DNAJB9: variants seen among roughly 807,000 people sequenced by gnomAD.
DNAJB9 encodes the protein dnaJ homolog subfamily B member 9.
A neutral mutation model predicts 19.2 loss-of-function variants in DNAJB9; 12 were observed. That is an observed-to-expected ratio of 0.62 (90% confidence interval 0.40 to 1.01). The LOEUF is 1.01. Ranked by LOEUF, DNAJB9 falls within the 50% of genes least tolerant of loss-of-function variation. DNAJB9 has a pLI of 0.00. For missense variants in DNAJB9, 272 were observed against 261.1 expected (o/e 1.04, Z -0.29); for synonymous variants, 83 against 84.0 (o/e 0.99, Z 0.07).
chr7:108,571,760 A>G lies in DNAJB9; in HGVS notation c.34A>G (p.Ile12Val), dbSNP rs749348411. 3.1e-6 allele frequency: 5 copies of G among 1,613,940 alleles called. No individual in the cohort carries two copies. Among genetic ancestry groups the G allele is most frequent in the African/African-American group, 2.7e-5 (2 of 74,884 alleles). ...ATPQSIFIFA[I>V]CILMITELIL... is the part of the protein sequence containing the mutation. ...TCCCCAGTCAATTTTCATCTTTGCA[A>G]TCTGCATTTTAATGATAACAGAATT... Residue 12 changes from isoleucine to valine, a missense_variant, in exon 2 of 3, where the codon ATC (isoleucine) becomes GTC (valine). By Grantham distance (29) the Ile-to-Val change is conservative. Coordinates refer to ENST00000249356, the MANE Select transcript of DNAJB9 (RefSeq NM_012328.3).
intron 2 of DNAJB9, chr7:108,572,181 C>G (rs1790630591): frequency 2.7e-6 from 1 of 367,372 alleles, no homozygotes; most frequent in East Asian, 4.7e-5. Flanking sequence ...TATTGAAAAT[C>G]TATTCTATAT....
intron 1 of DNAJB9, 29 bp from the exon 2 acceptor site, chr7:108,571,688 A>G (rs1437122778): frequency 2.5e-6 from 4 of 1,572,306 alleles, no homozygotes; most frequent in Admixed American, 1.8e-5. Context: ...AGCTCCATCC[A>G]TAACATTTTT....
rs1325515190 is a variant in DNAJB9, at chr7:108,573,332, CACTG to C, written c.656_659del (p.Asp219ValfsTer23). On this transcript the variant is annotated frameshift_variant, in exon 3 of 3. Transcript: ENST00000249356. LOFTEE classifies it high-confidence loss of function. The stretch of plus-strand genomic sequence containing the variant: ...GAAGAGGAAATATGGTTACTACATA[CACTG>C]ACTGTTCAGGACAGTAGTTCTTATT... 8 of 1,590,764 alleles carry C rather than the reference CACTG, an allele frequency of 5.0e-6. No homozygotes were observed. Among genetic ancestry groups the C allele is most frequent in the African/African-American group, 4.0e-5 (3 of 74,122 alleles).
chr7:108,570,639 A>G (rs1790604219), intron 1 of DNAJB9, among the ~76,000 whole-genome samples: 1 of 152,180 alleles, frequency 6.6e-6, no homozygotes, highest in South Asian at 2.1e-4. Context: ...TCCATGGGAC[A>G]CACTGTTGTG....
intron 2 of DNAJB9, 164 bp downstream of exon 2, chr7:108,572,107 T>C (rs1790629550): frequency 1.7e-6 from 1 of 600,882 alleles, no homozygotes; most frequent in African/African-American, 1.9e-5. Flanking sequence ...TCACAGATGC[T>C]TTGATTCCTG....
chr7:108,572,265 T>C (rs372657257), intron 2 of DNAJB9, among the ~76,000 whole-genome samples: 2 of 152,186 alleles, frequency 1.3e-5, no homozygotes, highest in South Asian at 2.1e-4. Context: ...AACTAACTTA[T>C]GAAACAGAAT....
At chr7:108,570,478 G>A (rs1365656441) in intron 1 of DNAJB9, among the ~76,000 whole-genome samples, 3 of 151,682 alleles carry the variant, frequency 2.0e-5, no homozygotes, top group African/African-American at 4.9e-5. Flanking sequence ...GGGATGAGAA[G>A]TCTGTACAAT....
chr7:108,571,289 T>G (rs1336001434), intron 1 of DNAJB9, among the ~76,000 whole-genome samples: 1 of 147,692 alleles, frequency 6.8e-6, no homozygotes, highest in Non-Finnish European at 1.5e-5. Context: ...GTGCGCCACC[T>G]TTTTTTTTTA....
chr7:108,572,099 A>C, intron 2 of DNAJB9, 156 bp downstream of exon 2: 1 of 631,822 alleles, frequency 1.6e-6, no homozygotes, highest in South Asian at 2.3e-5. Context: ...TTTTCTTATC[A>C]CAGATGCTTT....
chr7:108,571,793 G>A lies in DNAJB9; in HGVS notation c.67G>A (p.Ala23Thr), dbSNP rs1268121183. 1 of 1,613,936 alleles carries A rather than the reference G, an allele frequency of 6.2e-7. No homozygotes were observed. The highest frequency in any genetic ancestry group is 8.5e-7 in the Non-Finnish European group (1 of 1,179,988). ...TTTAATGATAACAGAATTAATTCTG[G>A]CCTCAAAAAGCTACTATGATATCTT... Reference protein sequence around the residue: ...CILMITELILASKSYYDILGV... With the variant: ...CILMITELILTSKSYYDILGV... Residue 23 changes from alanine (A) to threonine (T), a missense_variant, in exon 2 of 3, where the codon GCC becomes ACC. Physicochemically the swap from Ala to Thr is moderately conservative, Grantham distance 58. Coordinates refer to ENST00000249356, the MANE Select transcript of DNAJB9 (RefSeq NM_012328.3).
Position 108,573,542 on chromosome 7 carries a change from A to G in DNAJB9, c.*189A>G, listed in dbSNP as rs1019066720. The stretch of plus-strand genomic sequence containing the variant: ...ACATTCAACGAGTAGACAAAATGCT[A>G]ATTATTTCCCTGATTAGGAAAGTTT... On this transcript the variant is annotated 3_prime_UTR_variant, in exon 3 of 3. Transcript: ENST00000249356. 4.8e-6 allele frequency: 2 copies of G among 416,742 alleles called. No individual in the cohort carries two copies. The highest frequency in any genetic ancestry group is 4.1e-6 in the Non-Finnish European group (1 of 241,610). The allele number at this position is 416,742 out of a possible 1,614,324, so 25.8% of individuals were successfully genotyped here.
chr7:108,572,338 T>G (rs1288272480), intron 2 of DNAJB9, among the ~76,000 whole-genome samples: 1 of 152,214 alleles, frequency 6.6e-6, no homozygotes, highest in Non-Finnish European at 1.5e-5. Flanking sequence ...CTTTATTCAC[T>G]TGATCTGCTT....
rs3763457 is a variant in DNAJB9, at chr7:108,573,482, A to G, written c.*129A>G. ...TTAAACAATTTGATATAGCTATTAA[A>G]TATATTTAAGGGTTTTTTTTTTTTG... is the stretch of plus-strand genomic sequence containing the variant. On this transcript the variant is annotated 3_prime_UTR_variant, in exon 3 of 3. Transcript: ENST00000249356. The G allele has an allele frequency of 0.28, 157,462 of 568,508 alleles. 25,078 individuals carry two copies. The highest frequency in any genetic ancestry group is 0.32 in the Non-Finnish European group (118,657 of 368,842). 35.2% of individuals were successfully genotyped at this position (568,508 alleles called of 1,614,324 possible).
rs377603507 is a variant in DNAJB9 at position 108,570,087 on chromosome 7, G to A, written c.-27G>A. On this transcript the variant is annotated 5_prime_UTR_variant, in exon 1 of 3. Transcript: ENST00000249356. The stretch of plus-strand genomic sequence containing the variant: ...GCCTCAGCTCTGTGGAGGAGCAGCA[G>A]TAGTCGGAGGGTGCAGGTGAGGGAC... 1.1e-4 allele frequency: 19 copies of A among 176,250 alleles called. No individual in the cohort carries two copies. The highest frequency in any genetic ancestry group is 4.3e-4 in the African/African-American group (18 of 42,076). 10.9% of individuals were successfully genotyped at this position (176,250 alleles called of 1,614,324 possible).
At chr7:108,572,524 TATTA>T (rs1790634745) in intron 2 of DNAJB9, among the ~76,000 whole-genome samples, 2 of 152,220 alleles carry the variant, frequency 1.3e-5, no homozygotes, top group Admixed American at 6.5e-5. Flanking sequence ...TCTTAATTCC[TATTA>T]ATTGGTTATA....
rs1454152098 is a variant in DNAJB9 at position 108,573,291 on chromosome 7, A to C, written c.610A>C (p.Arg204=). Reference sequence around the variant, plus strand: ...ATTTCATGGATCTAGCAAGCACTGCAGGACTGTCACTCAACGAAGAGGAAA... The same window carrying C: ...ATTTCATGGATCTAGCAAGCACTGCCGGACTGTCACTCAACGAAGAGGAAA... The part of the protein sequence containing the change: ...NRFHGSSKHC[R]TVTQRRGNMV... The change falls in exon 3 of 3, where the codon AGG becomes CGG. Residue 204 remains arginine (R), a synonymous_variant. Coordinates refer to ENST00000249356, the MANE Select transcript of DNAJB9 (RefSeq NM_012328.3). 3.1e-6 allele frequency: 5 copies of C among 1,611,898 alleles called. No homozygotes were observed. The highest frequency in any genetic ancestry group is 1.1e-5 in the South Asian group (1 of 90,670).
Position 108,571,707 on chromosome 7 carries a change from T to G in DNAJB9, c.-10-10T>G. The G allele has an allele frequency of 6.3e-7, 1 of 1,589,088 alleles. No homozygotes were observed. Among genetic ancestry groups the G allele is most frequent in the Middle Eastern group, 1.8e-4 (1 of 5,632 alleles). On this transcript the variant is annotated splice_polypyrimidine_tract_variant and intron_variant, in intron 1 of 2. Coordinates refer to ENST00000249356, the MANE Select transcript of DNAJB9 (RefSeq NM_012328.3). ...CCATCCATAACATTTTTTTTTCTTTTCTGTTTTAGGATATTAGAAATGGCT... is the reference window on the plus strand; with the variant it reads ...CCATCCATAACATTTTTTTTTCTTTGCTGTTTTAGGATATTAGAAATGGCT...
At position 108,573,307 on chromosome 7, in the gene DNAJB9, G is replaced by A. The variant is rs748898841; in HGVS notation, c.626G>A (p.Arg209Gln). ...AAGCACTGCAGGACTGTCACTCAAC[G>A]AAGAGGAAATATGGTTACTACATAC... is the stretch of plus-strand genomic sequence containing the variant. The part of the protein sequence containing the change: ...SSKHCRTVTQ[R>Q]RGNMVTTYTD... Residue 209 changes from arginine to glutamine, a missense_variant, in exon 3 of 3, where the codon CGA becomes CAA. Coordinates refer to ENST00000249356, the MANE Select transcript of DNAJB9 (RefSeq NM_012328.3). 4 of 1,609,180 alleles carry A rather than the reference G, an allele frequency of 2.5e-6. No individual in the cohort carries two copies. The highest frequency in any genetic ancestry group is 2.2e-5 in the East Asian group (1 of 44,828).
intron 1 of DNAJB9, among the ~76,000 whole-genome samples, chr7:108,571,155 A>G (rs1790613452): frequency 6.6e-6 from 1 of 152,206 alleles, no homozygotes; most frequent in Non-Finnish European, 1.5e-5. Flanking sequence ...TTGTATTGTC[A>G]GTATTAGTAT....
Sources: gnomAD v4.1 joint callset for allele counts (sites outside exome capture counted in the v4.1 genomes callset) on GRCh38, gnomAD v4.1.1 for gene constraint, MANE v1.5 for transcripts, NCBI Gene and HGNC (gene_info 2026-07-23, HGNC 2026-07-21) for gene names.